Variants in RBFOX1 observed in about 807,000 individuals in gnomAD.
RBFOX1 encodes RNA binding fox-1 homolog 1.
RBFOX1 carries 8 observed loss-of-function variants against 57.7 expected under a neutral mutation model. The ratio of observed to expected loss-of-function variants is 0.14; its 90% CI spans 0.08 to 0.25. The LOEUF (loss-of-function observed/expected upper bound fraction) is 0.25, where lower values mean the gene tolerates loss of function less well. Ranked by LOEUF, RBFOX1 falls within the 10% of genes least tolerant of loss-of-function variation. The pLI, the probability that RBFOX1 is intolerant of heterozygous loss-of-function variation, is 1.00. For synonymous variants in RBFOX1, 326 were observed against 222.4 expected (o/e 1.47, Z -4.15); for missense variants, 611 against 548.5 (o/e 1.11, Z -1.14).
intron 4 of RBFOX1, among the ~76,000 whole-genome samples, chr16:7,358,816 G>A (rs991190607): frequency 6.6e-5 from 10 of 152,186 alleles, no homozygotes; most frequent in African/African-American, 2.4e-4. Context: ...AGAGAAGGAA[G>A]GTTATATGTG....
chr16:6,571,147 A>C (rs528286775), intron 2 of RBFOX1, among the ~76,000 whole-genome samples: 1 of 152,196 alleles, frequency 6.6e-6, no homozygotes, highest in Non-Finnish European at 1.5e-5. Flanking sequence ...CATTTCAGGC[A>C]TATAGCCCGT....
chr16:5,548,175 ATATATATATAT>A (rs1467011540), intron 2 of RBFOX1, among the ~76,000 whole-genome samples: 2 of 28,272 alleles, frequency 7.1e-5, no homozygotes, highest in African/African-American at 1.6e-4. Context: ...AAAAAAAAAA[ATATATATATAT>A]ATATATATAT....
At position 6,698,611 on chromosome 16, in the gene RBFOX1, A is replaced by T. The variant is rs17140955; in HGVS notation, c.-16+43961A>T. 7.7e-3 allele frequency among the ~76,000 whole-genome samples: 1,169 copies of T among 152,246 alleles called. 18 individuals are homozygous for T. Among genetic ancestry groups the T allele is most frequent in the African/African-American group, 0.026 (1,096 of 41,544 alleles). ...AGAGCCCCACAGGGTCTAACATGCC[A>T]CTTCTCCATCTGTTATTCACCGAGG... On this transcript the variant is annotated intron_variant, in intron 3 of 15. Transcript: ENST00000550418.
chr16:7,286,867 G>T (rs1256549694), intron 4 of RBFOX1, among the ~76,000 whole-genome samples: 1 of 151,690 alleles, frequency 6.6e-6, no homozygotes, highest in East Asian at 1.9e-4. Context: ...GACCTCAGAT[G>T]ATCCACCCGC....
At chr16:6,721,008 G>C (rs1013403364) in intron 3 of RBFOX1, among the ~76,000 whole-genome samples, 11 of 152,274 alleles carry the variant, frequency 7.2e-5, no homozygotes, top group Admixed American at 4.6e-4. Context: ...ATGAGGTCAC[G>C]AATATGCAGC....
chr16:6,602,314 T>C (rs1277359221), intron 2 of RBFOX1, among the ~76,000 whole-genome samples: 1 of 152,208 alleles, frequency 6.6e-6, no homozygotes, highest in Non-Finnish European at 1.5e-5. Context: ...GCTAAAGTTT[T>C]TAATTCTGAA....
At chr16:7,167,835 A>G (rs1361957610) in intron 4 of RBFOX1, among the ~76,000 whole-genome samples, 1 of 145,984 alleles carries the variant, frequency 6.9e-6, no homozygotes, top group Non-Finnish European at 1.5e-5. Context: ...CTGGCCTGCA[A>G]AGCCTAAAAT....
chr16:6,292,051 A>C (rs2077523805), intron 1 of RBFOX1, among the ~76,000 whole-genome samples: 1 of 152,070 alleles, frequency 6.6e-6, no homozygotes, highest in South Asian at 2.1e-4. Flanking sequence ...GTCAGTGAAT[A>C]CTGCTGTGCC....
At chr16:7,594,652 A>T (rs1428844387) in intron 7 of RBFOX1, among the ~76,000 whole-genome samples, 1 of 152,194 alleles carries the variant, frequency 6.6e-6, no homozygotes, top group Non-Finnish European at 1.5e-5. Flanking sequence ...ATCTATCAGT[A>T]AAAGAGGAAG....
intron 3 of RBFOX1, among the ~76,000 whole-genome samples, chr16:6,759,149 C>CT (rs55903030): frequency 0.75 from 109,819 of 147,186 alleles, 41,286 homozygotes; most frequent in East Asian, 0.88. Context: ...CTTATCAATT[C>CT]TTTTTTTTTT....
intron 4 of RBFOX1, among the ~76,000 whole-genome samples, chr16:7,478,494 G>A (rs1223269842): frequency 6.6e-6 from 1 of 152,204 alleles, no homozygotes; most frequent in African/African-American, 2.4e-5. Flanking sequence ...GCAGTTTGCA[G>A]AGGCTAGAGA....
At chr16:6,367,548 G>T (rs1161828776) in intron 2 of RBFOX1, among the ~76,000 whole-genome samples, 3 of 152,082 alleles carry the variant, frequency 2.0e-5, no homozygotes, top group Non-Finnish European at 4.4e-5. Flanking sequence ...GGGATTACAG[G>T]CGTGAGCCAA....
rs552643490 is a variant in RBFOX1 at position 6,931,661 on chromosome 16, A to T, written c.-15-120396A>T. Among the ~76,000 whole-genome samples, 3 of 152,294 alleles carry T rather than the reference A, an allele frequency of 2.0e-5. No homozygotes were observed. The South Asian group carries it at 6.2e-4, about 32-fold the overall frequency. On this transcript the variant is annotated intron_variant, in intron 3 of 15. Coordinates refer to ENST00000550418, the MANE Select transcript of RBFOX1 (RefSeq NM_018723.4). ...TCTATCCCTATTTGAGAGATGAGAA[A>T]ACTAATGAAAGGCTCACAGACTCAA... is the stretch of plus-strand genomic sequence containing the variant.
At chr16:5,800,860 C>T (rs146716713) in intron 3 of RBFOX1, among the ~76,000 whole-genome samples, 3 of 152,102 alleles carry the variant, frequency 2.0e-5, no homozygotes, top group Admixed American at 6.5e-5. Flanking sequence ...TGGGAGGGCA[C>T]GGGAGGCGGT....
chr16:6,498,573 T>G (rs2095836820), intron 2 of RBFOX1, among the ~76,000 whole-genome samples: 1 of 152,138 alleles, frequency 6.6e-6, no homozygotes, highest in Admixed American at 6.5e-5. Flanking sequence ...ATTGTGATGA[T>G]AGGCTATAAA....
chr16:5,610,987 C>G (rs891220453), intron 3 of RBFOX1, among the ~76,000 whole-genome samples: 1 of 152,250 alleles, frequency 6.6e-6, no homozygotes, highest in Non-Finnish European at 1.5e-5. Flanking sequence ...CTCCTTGACA[C>G]AGCTTACAGA....
chr16:6,085,790 C>T (rs1335338358), intron 1 of RBFOX1, among the ~76,000 whole-genome samples: 1 of 152,152 alleles, frequency 6.6e-6, no homozygotes, highest in Non-Finnish European at 1.5e-5. Context: ...TTCCGAACTC[C>T]ATCTTATCTC....
At chr16:5,561,742 C>T (rs1166569174) in intron 2 of RBFOX1, among the ~76,000 whole-genome samples, 3 of 152,172 alleles carry the variant, frequency 2.0e-5, no homozygotes, top group Non-Finnish European at 4.4e-5. Flanking sequence ...GGGCAATCTG[C>T]TCCCTTCTTT....
At chr16:7,014,439 G>A (rs534424763) in intron 3 of RBFOX1, among the ~76,000 whole-genome samples, 2 of 151,456 alleles carry the variant, frequency 1.3e-5, no homozygotes, top group East Asian at 2.0e-4. Flanking sequence ...TAGGGGTGGG[G>A]TTTTACCATG....
Sources: gnomAD v4.1 joint callset for allele counts (sites outside exome capture counted in the v4.1 genomes callset) on GRCh38, gnomAD v4.1.1 for gene constraint, MANE v1.5 for transcripts, NCBI Gene and HGNC (gene_info 2026-07-23, HGNC 2026-07-21) for gene names.